The following CDH6 variants were observed in gnomAD, a reference collection of about 807,000 sequenced individuals.
CDH6 encodes the protein cadherin 6, also known as cadherin-6.
CDH6 carries 31 observed loss-of-function variants against 78.0 expected under a neutral mutation model. The observed-to-expected ratio is 0.40, with a 90% confidence interval of 0.30 to 0.54. The LOEUF (loss-of-function observed/expected upper bound fraction) is 0.54, where lower values mean the gene tolerates loss of function less well. Ranked by LOEUF, CDH6 falls within the 20% of genes least tolerant of loss-of-function variation. CDH6 has a pLI of 0.56. For synonymous variants in CDH6, 376 were observed against 368.8 expected, an observed-to-expected ratio of 1.02 and a Z score of -0.23; for missense variants, 724 against 975.9, an observed-to-expected ratio of 0.74 and a Z score of 3.44.
In CDH6 at chr5:31,328,175, CTTTTTT is replaced by C. The variant is rs151043213; in HGVS notation, c.*4883_*4888del. 16 of 122,118 alleles carry C rather than the reference CTTTTTT, an allele frequency of 1.3e-4. No homozygotes were observed. Among genetic ancestry groups the C allele is most frequent in the East Asian group, 6.5e-4 (5 of 7,676 alleles). The allele number at this position is 122,118 out of a possible 1,614,324, so 7.6% of individuals were successfully genotyped here. On this transcript the variant is annotated 3_prime_UTR_variant, in exon 12 of 12. Transcript: ENST00000265071. ...AGAGCTTTTACAAGTTGCTTAATTCCTTTTTTTTTTTTTTTTTTTTTCAAAAACCCA... is the reference window on the plus strand; with the variant it reads ...AGAGCTTTTACAAGTTGCTTAATTCCTTTTTTTTTTTTTTTCAAAAACCCA...
rs544341904 is a variant in CDH6, at chr5:31,294,448, C to A, written c.523+192C>A. Among the ~76,000 whole-genome samples the A allele has an allele frequency of 6.6e-5, 10 of 152,282 alleles. No individual in the cohort carries two copies. Among genetic ancestry groups the A allele is most frequent in the African/African-American group, 2.2e-4 (9 of 41,564 alleles). ...TCTCATTTTGTGATTATTTTAAAAACCACATTTCCTCTAAAGAGGGTCTGA... is the reference window on the plus strand; with the variant it reads ...TCTCATTTTGTGATTATTTTAAAAAACACATTTCCTCTAAAGAGGGTCTGA... On this transcript the variant is annotated intron_variant, in intron 3 of 11. Transcript: ENST00000265071. The surrounding 1 kb of genome is among the most constrained non-coding windows in gnomAD (Gnocchi z 4.1).
chr5:31,238,782 A>G (rs556160385), intron 1 of CDH6, among the ~76,000 whole-genome samples: 102 of 152,346 alleles, frequency 6.7e-4, no homozygotes, highest in African/African-American at 2.3e-3. Context: ...TAGCTACTGA[A>G]CTGGACAACA....
In CDH6 at chr5:31,328,239, G is replaced by A. The variant is rs1359358278; in HGVS notation, c.*4931G>A. 1.1e-5 allele frequency: 2 copies of A among 184,276 alleles called. No individual in the cohort carries two copies. Among genetic ancestry groups the A allele is most frequent in the Non-Finnish European group, 2.3e-5 (2 of 88,672 alleles). The allele number at this position is 184,276 out of a possible 1,614,324, so 11.4% of individuals were successfully genotyped here. The stretch of plus-strand genomic sequence containing the variant: ...CAAACTCAAATTTCTCCTCAAATGG[G>A]GTTAATCTGACAAACGAGGCATGGA... On this transcript the variant is annotated 3_prime_UTR_variant, in exon 12 of 12. Transcript: ENST00000265071.
At chr5:31,223,653 G>T (rs915405036) in intron 1 of CDH6, among the ~76,000 whole-genome samples, 1 of 152,094 alleles carries the variant, frequency 6.6e-6, no homozygotes, top group Admixed American at 6.5e-5. Context: ...TTTGGTTCCG[G>T]TGGTGTATGT....
intron 1 of CDH6, among the ~76,000 whole-genome samples, chr5:31,209,107 T>C (rs1740620262): frequency 6.6e-6 from 1 of 152,230 alleles, no homozygotes; most frequent in Admixed American, 6.5e-5. Flanking sequence ...CAAAGGTATA[T>C]GGAGAATTTT....
intron 1 of CDH6, among the ~76,000 whole-genome samples, chr5:31,220,562 C>CAG (rs1740978627): frequency 6.6e-6 from 1 of 152,030 alleles, no homozygotes; most frequent in African/African-American, 2.4e-5. Context: ...AAAATAGACA[C>CAG]AGTCCCTGCC....
intron 2 of CDH6, among the ~76,000 whole-genome samples, chr5:31,292,647 T>G (rs895730089): frequency 4.6e-5 from 7 of 151,920 alleles, no homozygotes; most frequent in Non-Finnish European, 1.0e-4. Context: ...ATACCATGGA[T>G]GCTTAAAACT....
intron 1 of CDH6, among the ~76,000 whole-genome samples, chr5:31,265,769 GT>G (rs35184792): frequency 4.7e-4 from 37 of 78,442 alleles, no homozygotes; most frequent in African/African-American, 8.8e-4. Context: ...TTAAGACAAT[GT>G]TTTTTTTTTT....
intron 11 of CDH6, among the ~76,000 whole-genome samples, chr5:31,319,798 A>C (rs917110693): frequency 2.0e-5 from 3 of 152,258 alleles, no homozygotes; most frequent in Non-Finnish European, 2.9e-5. Context: ...ATAAAACAAC[A>C]GTAAAAACAA....
intron 2 of CDH6, among the ~76,000 whole-genome samples, chr5:31,271,669 C>T (rs10461896): frequency 0.31 from 47,584 of 151,938 alleles, 7,826 homozygotes; most frequent in Admixed American, 0.38. Context: ...GATATAAAAA[C>T]GGGATGTGAT....
chr5:31,229,415 A>C (rs2111849128), intron 1 of CDH6, among the ~76,000 whole-genome samples: 1 of 152,362 alleles, frequency 6.6e-6, no homozygotes, highest in African/African-American at 2.4e-5. Flanking sequence ...GAAAAGCAAA[A>C]CAGAATGAGG....
chr5:31,228,774 G>A (rs942261054), intron 1 of CDH6, among the ~76,000 whole-genome samples: 7 of 152,180 alleles, frequency 4.6e-5, no homozygotes, highest in African/African-American at 1.7e-4. Flanking sequence ...GCGGAGCTCA[G>A]GCTACAATGC....
At chr5:31,319,906 C>G (rs1738433375) in intron 11 of CDH6, among the ~76,000 whole-genome samples, 1 of 152,138 alleles carries the variant, frequency 6.6e-6, no homozygotes, top group Non-Finnish European at 1.5e-5. Context: ...GGGCACTGTG[C>G]TATTAATTTT....
intron 1 of CDH6, among the ~76,000 whole-genome samples, chr5:31,219,403 G>A (rs924525322): frequency 3.9e-5 from 6 of 152,014 alleles, no homozygotes; most frequent in African/African-American, 7.2e-5. Context: ...GAGCACCCTG[G>A]CTATAATACA....
rs546108549 is a variant in CDH6, at chr5:31,314,067, A to T, written c.1390+613A>T. Reference sequence around the variant, plus strand: ...CAATAGTGCCAAAAGAATGCTTCAAATAAAATGATTACACACAATGAAAAC... The same window carrying T: ...CAATAGTGCCAAAAGAATGCTTCAATTAAAATGATTACACACAATGAAAAC... On this transcript the variant is annotated intron_variant, in intron 8 of 11. Transcript: ENST00000265071. Among the ~76,000 whole-genome samples, 6 of 152,346 alleles carry T rather than the reference A, an allele frequency of 3.9e-5. No homozygotes were observed. The East Asian group carries it at 1.2e-3, about 29-fold the overall frequency.
At chr5:31,218,342 G>T (rs955609336) in intron 1 of CDH6, among the ~76,000 whole-genome samples, 5 of 152,086 alleles carry the variant, frequency 3.3e-5, no homozygotes, top group Non-Finnish European at 5.9e-5. Flanking sequence ...ATGTCTCAAA[G>T]ATTTATAGTT....
chr5:31,317,513 T>G, intron 10 of CDH6, 21 bp downstream of exon 10: 1 of 1,552,022 alleles, frequency 6.4e-7, no homozygotes. Flanking sequence ...TCAAGTTACC[T>G]TCTCTATCTA....
chr5:31,279,982 G>A (rs1159249409), intron 2 of CDH6, among the ~76,000 whole-genome samples: 1 of 152,098 alleles, frequency 6.6e-6, no homozygotes, highest in Non-Finnish European at 1.5e-5. Context: ...AAGTCAAATC[G>A]AGAAAATTCA....
chr5:31,309,258 T>A (rs1738081686), intron 7 of CDH6, among the ~76,000 whole-genome samples: 1 of 152,200 alleles, frequency 6.6e-6, no homozygotes, highest in Non-Finnish European at 1.5e-5. Context: ...GATAATTGAA[T>A]ATCTATTTCA....
Sources: gnomAD v4.1 joint callset for allele counts (sites outside exome capture counted in the v4.1 genomes callset) on GRCh38, gnomAD v4.1.1 for gene constraint, Gnocchi (gnomAD v3.1) non-coding constraint, MANE v1.5 for transcripts, NCBI Gene and HGNC (gene_info 2026-07-23, HGNC 2026-07-21) for gene names.